Variants in MED12L observed in about 807,000 individuals in gnomAD.
The protein encoded by MED12L is mediator of RNA polymerase II transcription subunit 12-like protein.
MED12L carries 60 observed loss-of-function variants against 281.3 expected under a neutral mutation model. The observed-to-expected ratio is 0.21, with a 90% CI of 0.17 to 0.26. The LOEUF (loss-of-function observed/expected upper bound fraction) is 0.26, where lower values mean the gene tolerates loss of function less well. Among genes scored for constraint, MED12L ranks in the 10% least tolerant of loss-of-function variants. The pLI, the probability that MED12L is intolerant of heterozygous loss-of-function variation, is 1.00. For missense variants in MED12L, 2,146 were observed against 2,680.9 expected (o/e 0.80, Z 4.41); for synonymous variants, 974 against 987.2 (o/e 0.99, Z 0.25).
chr3:151,270,048 A>T (rs1740591559), intron 16 of MED12L: 1 of 232,402 alleles, frequency 4.3e-6, no homozygotes, highest in Non-Finnish European at 8.4e-6. Flanking sequence ...AGATATTGAT[A>T]AAGAAAGGGG....
chr3:151,233,884 A>G (rs1732221003), intron 16 of MED12L, among the ~76,000 whole-genome samples: 1 of 152,214 alleles, frequency 6.6e-6, no homozygotes, highest in African/African-American at 2.4e-5. Flanking sequence ...CCTCCCTTTT[A>G]AAACTAATGA....
chr3:151,405,161 G>A (rs980732624), intron 39 of MED12L, among the ~76,000 whole-genome samples: 1 of 152,138 alleles, frequency 6.6e-6, no homozygotes, highest in Non-Finnish European at 1.5e-5. Flanking sequence ...TTCTTTAGAA[G>A]TTTTTTAAAA....
chr3:151,134,177 G>C (rs1715792714), intron 5 of MED12L, among the ~76,000 whole-genome samples: 1 of 143,758 alleles, frequency 7.0e-6, no homozygotes, highest in Middle Eastern at 3.2e-3. Context: ...ATCCCTTGCT[G>C]TTGTGGGGTT....
chr3:151,432,887 AT>A lies in MED12L; in HGVS notation c.*84del, dbSNP rs1719691926. ...ATTTAATGCATTAGTCATCTTAAAA[AT>A]GTCCCTTTTTTTCATTTCTTTGACA... On this transcript the variant is annotated 3_prime_UTR_variant, in exon 45 of 45. Transcript: ENST00000687756. 1 of 1,017,344 alleles carries A rather than the reference AT, an allele frequency of 9.8e-7. No individual in the cohort carries two copies. Among genetic ancestry groups the A allele is most frequent in the Non-Finnish European group, 1.5e-6 (1 of 688,244 alleles). 63.0% of individuals were successfully genotyped at this position (1,017,344 alleles called of 1,614,324 possible).
chr3:151,232,865 A>G (rs764793144), intron 16 of MED12L, among the ~76,000 whole-genome samples: 2 of 152,214 alleles, frequency 1.3e-5, no homozygotes, highest in East Asian at 1.9e-4. Context: ...AAAATCTGCA[A>G]CAAATCCCTG....
chr3:151,219,408 T>G (rs1728878940), intron 16 of MED12L: 1 of 152,202 alleles, frequency 6.6e-6, no homozygotes. Context: ...CCTCTTGTAT[T>G]AGAACACCTT....
intron 16 of MED12L, among the ~76,000 whole-genome samples, chr3:151,194,795 CT>C (rs921725774): frequency 6.6e-6 from 1 of 152,164 alleles, no homozygotes; most frequent in African/African-American, 2.4e-5. Context: ...GCTTCACTAA[CT>C]TTTTTTCTGG....
chr3:151,118,726 C>G (rs1258106740), intron 3 of MED12L, among the ~76,000 whole-genome samples: 1 of 150,792 alleles, frequency 6.6e-6, no homozygotes, highest in Non-Finnish European at 1.5e-5. Flanking sequence ...TGGAGTCTTG[C>G]TCCGTCGCCC....
intron 34 of MED12L, 25 bp from the exon 35 acceptor site, chr3:151,384,058 T>C: frequency 6.2e-7 from 1 of 1,600,368 alleles, no homozygotes; most frequent in Non-Finnish European, 8.5e-7. Context: ...CACTTTAAGA[T>C]GAAAATAATT....
intron 16 of MED12L, among the ~76,000 whole-genome samples, chr3:151,280,341 C>A (rs1742611608): frequency 6.6e-6 from 1 of 152,110 alleles, no homozygotes; most frequent in Admixed American, 6.5e-5. Flanking sequence ...GTTCTAAACA[C>A]TCTGTGTGTT....
chr3:151,328,171 C>G (rs764098184), intron 16 of MED12L: 1 of 1,612,988 alleles, frequency 6.2e-7, no homozygotes, highest in Non-Finnish European at 8.5e-7. Flanking sequence ...TAGCAATAAA[C>G]AGTTGATTTT....
intron 16 of MED12L, among the ~76,000 whole-genome samples, chr3:151,296,895 C>G (rs1481225840): frequency 6.6e-6 from 1 of 152,148 alleles, no homozygotes; most frequent in African/African-American, 2.4e-5. Flanking sequence ...CACTGCCCTG[C>G]ACACAGGCAG....
At chr3:151,202,608 T>C (rs1340910343) in intron 16 of MED12L, among the ~76,000 whole-genome samples, 1 of 152,174 alleles carries the variant, frequency 6.6e-6, no homozygotes, top group Non-Finnish European at 1.5e-5. Context: ...ATGTGGAGGT[T>C]GAAGTGAGCT....
intron 16 of MED12L, among the ~76,000 whole-genome samples, chr3:151,310,057 C>A (rs1162422100): frequency 1.3e-5 from 2 of 152,108 alleles, no homozygotes; most frequent in Non-Finnish European, 1.5e-5. Flanking sequence ...GCTGGGCCTG[C>A]TGACATTTCT....
At chr3:151,223,219 GA>G (rs1391664795) in intron 16 of MED12L, among the ~76,000 whole-genome samples, 1 of 107,022 alleles carries the variant, frequency 9.3e-6, no homozygotes, top group African/African-American at 3.8e-5. Flanking sequence ...GCAGAAAAAA[GA>G]GAACACTTAT....
intron 16 of MED12L, among the ~76,000 whole-genome samples, chr3:151,231,044 A>G (rs1171266104): frequency 1.3e-5 from 2 of 152,262 alleles, no homozygotes; most frequent in Admixed American, 1.3e-4. Context: ...GGGCACTCCT[A>G]GATCTGGGAC....
rs1409052631 is a variant in MED12L, at chr3:151,394,730, C to T, written c.5683C>T (p.Arg1895Trp). The T allele has an allele frequency of 4.3e-6, 7 of 1,614,276 alleles. No individual in the cohort carries two copies. The highest frequency in any genetic ancestry group is 1.3e-5 in the African/African-American group (1 of 75,074). The change falls in exon 39 of 45, where the codon CGG (arginine) becomes TGG (tryptophan). Residue 1895 changes from arginine to tryptophan, a missense_variant. Physicochemically the swap from Arg to Trp is moderately radical, Grantham distance 101. This residue lies in a region of MED12L where 496 missense variants were observed against 512.0 expected (regional missense o/e 0.97). Coordinates refer to ENST00000687756, the MANE Select transcript of MED12L (RefSeq NM_001393769.1). The stretch of plus-strand genomic sequence containing the variant: ...ACAAGCTCTGTCAAACATGCTACAG[C>T]GGCGCTCAGGCGCCATGATGCAGCC... ...TKQALSNMLQ[R>W]RSGAMMQPPS...
chr3:151,232,254 T>G (rs560332850), intron 16 of MED12L, among the ~76,000 whole-genome samples: 1 of 152,360 alleles, frequency 6.6e-6, no homozygotes, highest in South Asian at 2.1e-4. Context: ...TGTAGCTCTT[T>G]GAGCAATCAC....
intron 16 of MED12L, among the ~76,000 whole-genome samples, chr3:151,311,014 G>C (rs1747421750): frequency 6.6e-6 from 1 of 152,166 alleles, no homozygotes; most frequent in Admixed American, 6.5e-5. Flanking sequence ...TTCCAGGATG[G>C]GGAAGCCATC....
Sources: allele counts gnomAD v4.1 joint callset (sites outside exome capture counted in the v4.1 genomes callset), GRCh38; gene constraint gnomAD v4.1.1; regional missense constraint gnomAD v4.1.1; transcripts MANE v1.5; gene names NCBI Gene and HGNC (gene_info 2026-07-23, HGNC 2026-07-21).